Variants in SYNE2 observed in about 807,000 individuals in gnomAD.
SYNE2 encodes spectrin repeat containing nuclear envelope protein 2, also known as nesprin-2.
SYNE2 carries 431 observed loss-of-function variants against 856.3 expected under a neutral mutation model. The ratio of observed to expected loss-of-function variants is 0.50; its 90% CI spans 0.47 to 0.55. The LOEUF (loss-of-function observed/expected upper bound fraction) is 0.55. Among genes scored for constraint, SYNE2 ranks in the 20% least tolerant of loss-of-function variants. The pLI is 0.00. For missense variants in SYNE2, 8,129 were observed against 8,023.2 expected (o/e 1.01, Z -0.50); for synonymous variants, 2,923 against 2,872.3 (o/e 1.02, Z -0.56).
chr14:64,027,698 A>C lies in SYNE2; in HGVS notation c.6619A>C (p.Asn2207His). Reference sequence around the variant, plus strand: ...GCTAAAGGAGTTAAAATCTCAGGGAAACTACCTCTTGGAGTGCACTAAAAA... The same window carrying C: ...GCTAAAGGAGTTAAAATCTCAGGGACACTACCTCTTGGAGTGCACTAAAAA... The part of the protein sequence containing the change: ...SLLKELKSQG[N>H]YLLECTKNPS... Residue 2207 changes from asparagine (N) to histidine (H), a missense_variant, in exon 43 of 116, where the codon AAC becomes CAC. By Grantham distance (68) the Asn-to-His change is moderately conservative. Around this residue, in one of 3 missense-constraint regions of SYNE2, gnomAD observed 297 missense variants for 380.9 expected, o/e 0.78. Transcript: ENST00000555002. 6.2e-7 allele frequency: 1 copy of C among 1,614,128 alleles called. No homozygotes were observed. The highest frequency in any genetic ancestry group is 8.5e-7 in the Non-Finnish European group (1 of 1,179,962).
chr14:64,162,906 C>G (rs1444330563), intron 88 of SYNE2: 1 of 185,416 alleles, frequency 5.4e-6, no homozygotes, highest in African/African-American at 2.4e-5. Context: ...TAACTTCTAC[C>G]TGAGCTGATA....
At chr14:63,901,185 C>T (rs949987812) in intron 1 of SYNE2, among the ~76,000 whole-genome samples, 18 of 152,080 alleles carry the variant, frequency 1.2e-4, no homozygotes, top group Non-Finnish European at 2.4e-4. Flanking sequence ...TGTTGAGCTA[C>T]CAAAAAGACT....
At chr14:64,149,791 G>A (rs1357900107) in intron 84 of SYNE2, among the ~76,000 whole-genome samples, 2 of 152,134 alleles carry the variant, frequency 1.3e-5, no homozygotes, top group Non-Finnish European at 2.9e-5. Context: ...CCTGATTTAT[G>A]TGTAGCAAAT....
intron 21 of SYNE2, among the ~76,000 whole-genome samples, chr14:63,992,473 T>G (rs2153488159): frequency 6.6e-6 from 1 of 152,056 alleles, no homozygotes; most frequent in South Asian, 2.1e-4. Context: ...AGAGAAAGGG[T>G]CTCACTCTGT....
intron 42 of SYNE2, 74 bp downstream of exon 42, chr14:64,026,804 C>T (rs1321602142): frequency 6.6e-7 from 1 of 1,516,324 alleles, no homozygotes; most frequent in Non-Finnish European, 9.0e-7. Flanking sequence ...GTTTTGTCTG[C>T]CCCCTGGGTT....
intron 92 of SYNE2, among the ~76,000 whole-genome samples, chr14:64,168,607 C>T (rs2098394871): frequency 6.6e-6 from 1 of 152,096 alleles, no homozygotes; most frequent in Non-Finnish European, 1.5e-5. Flanking sequence ...ATAAATGAGA[C>T]AATGCATGTT....
At position 64,003,185 on chromosome 14, in the gene SYNE2, G is replaced by A; in HGVS notation, c.4252G>A (p.Val1418Ile). Residue 1418 changes from valine to isoleucine, a missense_variant, in exon 30 of 116, where the codon GTA becomes ATA. Coordinates refer to ENST00000555002, the MANE Select transcript of SYNE2 (RefSeq NM_182914.3). ...IKLSETHGYG[V>I]QEEFTEENKL... Reference sequence around the variant, plus strand: ...GTTATCTGAGACACATGGCTATGGGGTACAGGAGGAATTCACTGAGGAAAA... The same window carrying A: ...GTTATCTGAGACACATGGCTATGGGATACAGGAGGAATTCACTGAGGAAAA... The A allele has an allele frequency of 5.0e-6, 8 of 1,614,100 alleles. No individual in the cohort carries two copies. Among genetic ancestry groups the A allele is most frequent in the Non-Finnish European group, 6.8e-6 (8 of 1,180,020 alleles).
chr14:64,122,088 A>G lies in SYNE2; in HGVS notation c.13235A>G (p.Gln4412Arg), dbSNP rs747628879. Residue 4412 changes from glutamine (Q) to arginine (R), a missense_variant, in exon 69 of 116, where the codon CAG becomes CGG. Physicochemically the swap from Gln to Arg is conservative, Grantham distance 43. Around this residue, in one of 3 missense-constraint regions of SYNE2, gnomAD observed 5,410 missense variants for 5,284.8 expected, o/e 1.02. Transcript: ENST00000555002. ...IEFNAKKMWPQYCQHDNDTTQ... is the reference protein window; with the variant it reads ...IEFNAKKMWPRYCQHDNDTTQ... Reference sequence around the variant, plus strand: ...TTTAATGCTAAGAAAATGTGGCCCCAGTATTGCCAACATGATAACGATACA... The same window carrying G: ...TTTAATGCTAAGAAAATGTGGCCCCGGTATTGCCAACATGATAACGATACA... The G allele has an allele frequency of 1.2e-6, 2 of 1,614,144 alleles. No individual in the cohort carries two copies. The highest frequency in any genetic ancestry group is 2.2e-5 in the East Asian group (1 of 44,866).
At chr14:64,019,930 T>A in intron 34 of SYNE2, 62 bp from the exon 35 acceptor site, 1 of 1,069,638 alleles carries the variant, frequency 9.3e-7, no homozygotes, top group Admixed American at 1.7e-5. Flanking sequence ...GTAGTAATTA[T>A]GGGTATCAGA....
chr14:63,838,270 G>T (rs888096899), intron 1 of SYNE2, among the ~76,000 whole-genome samples: 1 of 151,980 alleles, frequency 6.6e-6, no homozygotes, highest in Non-Finnish European at 1.5e-5. Context: ...TCTGGGAGGT[G>T]GAGGTTGTAG....
At chr14:63,807,846 T>TATATATAC (rs1888434375) in intron 1 of SYNE2, among the ~76,000 whole-genome samples, 2 of 104,422 alleles carry the variant, frequency 1.9e-5, no homozygotes, top group African/African-American at 6.5e-5. Flanking sequence ...TATATATATA[T>TATATATAC]ATATATATAT....
At chr14:64,143,522 C>T (rs1325547143) in intron 82 of SYNE2, among the ~76,000 whole-genome samples, 1 of 152,140 alleles carries the variant, frequency 6.6e-6, no homozygotes, top group Non-Finnish European at 1.5e-5. Context: ...ATAGCAACTG[C>T]CATACATAGT....
At chr14:63,842,463 C>T (rs2356997) in intron 1 of SYNE2, among the ~76,000 whole-genome samples, 86,269 of 147,730 alleles carry the variant, frequency 0.58, 25,471 homozygotes, top group South Asian at 0.69. Context: ...TCTTTTTCTC[C>T]TTTTTTTTTT....
At chr14:64,211,755 G>T (rs917853465) in intron 103 of SYNE2, among the ~76,000 whole-genome samples, 1 of 152,188 alleles carries the variant, frequency 6.6e-6, no homozygotes, top group African/African-American at 2.4e-5. Flanking sequence ...GAGAAGTTGA[G>T]GGGGCTTGTT....
intron 32 of SYNE2, among the ~76,000 whole-genome samples, chr14:64,015,657 T>C (rs1480987809): frequency 4.6e-5 from 7 of 152,120 alleles, no homozygotes; most frequent in Admixed American, 2.6e-4. Context: ...TTGGTTTTTT[T>C]CCCCTAATGT....
intron 96 of SYNE2, among the ~76,000 whole-genome samples, chr14:64,183,810 G>T (rs940614229): frequency 6.6e-6 from 1 of 152,086 alleles, no homozygotes; most frequent in South Asian, 2.1e-4. Context: ...CAGGCACTCG[G>T]CAGGCTGAGG....
rs1265122544 is a variant in SYNE2, at chr14:64,122,483, G to A, written c.13422+56G>A. 3.7e-6 allele frequency: 6 copies of A among 1,610,218 alleles called. No homozygotes were observed. In the African/African-American group the frequency reaches 5.3e-5, roughly 14 times the overall value. On this transcript the variant is annotated intron_variant, in intron 70 of 115. Transcript: ENST00000555002. ...CTGTTTATCTTTGAAAATCCAACAA[G>A]CATTCATTAAATAAACATGTATATT...
chr14:64,121,997 CTCAT>C lies in SYNE2; in HGVS notation c.13159-11_13159-8del. On this transcript the variant is annotated splice_polypyrimidine_tract_variant and intron_variant, in intron 68 of 115. Coordinates refer to ENST00000555002, the MANE Select transcript of SYNE2 (RefSeq NM_182914.3). ...GCTTGATGGATTGGACCATTTGAAT[CTCAT>C]TCAATTACAGGTTCTGGAGTTAAAA... The C allele has an allele frequency of 1.2e-6, 2 of 1,612,952 alleles. No individual in the cohort carries two copies. The highest frequency in any genetic ancestry group is 1.7e-4 in the Middle Eastern group (1 of 5,912).
intron 1 of SYNE2, among the ~76,000 whole-genome samples, chr14:63,883,468 C>G (rs1214462239): frequency 6.6e-6 from 1 of 152,190 alleles, no homozygotes; most frequent in Non-Finnish European, 1.5e-5. Flanking sequence ...ATGATCCTAC[C>G]TCAGCCTCCC....
Sources: allele counts gnomAD v4.1 joint callset (sites outside exome capture counted in the v4.1 genomes callset), GRCh38; gene constraint gnomAD v4.1.1; regional missense constraint gnomAD v4.1.1; transcripts MANE v1.5; gene names NCBI Gene and HGNC (gene_info 2026-07-23, HGNC 2026-07-21).